The following FAM53B variants were observed in gnomAD, a reference collection of about 807,000 sequenced individuals.
The protein encoded by FAM53B is family with sequence similarity 53 member B.
A neutral mutation model predicts 32.7 loss-of-function variants in FAM53B; 12 were observed. The observed-to-expected ratio is 0.37, with a 90% CI of 0.24 to 0.59. FAM53B has a LOEUF of 0.59. Among genes scored for constraint, FAM53B ranks in the 20% least tolerant of loss-of-function variants. The probability of loss-of-function intolerance (pLI) is 0.72; values close to 1 mark genes in which losing one functional copy is unlikely to be tolerated. For missense variants in FAM53B, 477 were observed against 577.7 expected (o/e 0.83, Z 1.79); for synonymous variants, 234 against 228.7 (o/e 1.02, Z -0.21).
intron 3 of FAM53B, among the ~76,000 whole-genome samples, chr10:124,687,320 A>C (rs1319692254): frequency 6.6e-6 from 1 of 151,900 alleles, no homozygotes; most frequent in Non-Finnish European, 1.5e-5. Context: ...CTGCACAAAC[A>C]ACTATAACTC....
intron 4 of FAM53B, among the ~76,000 whole-genome samples, chr10:124,628,548 T>A (rs1384462390): frequency 6.6e-6 from 1 of 152,162 alleles, no homozygotes. Flanking sequence ...GCAGAACTGC[T>A]GTCTCTGGCC....
intron 4 of FAM53B, among the ~76,000 whole-genome samples, chr10:124,670,849 A>G (rs1949703440): frequency 6.6e-6 from 1 of 152,300 alleles, no homozygotes; most frequent in African/African-American, 2.4e-5. Flanking sequence ...AAATATTGCC[A>G]TCAGAAAGGG....
chr10:124,679,441 T>C (rs1420726979), intron 4 of FAM53B, among the ~76,000 whole-genome samples: 2 of 152,196 alleles, frequency 1.3e-5, no homozygotes, highest in South Asian at 2.1e-4. Context: ...AGGGATACCC[T>C]AGGCCTCGTT....
intron 1 of FAM53B, among the ~76,000 whole-genome samples, chr10:124,709,624 G>C (rs1395533148): frequency 1.3e-5 from 2 of 152,188 alleles, no homozygotes; most frequent in Admixed American, 6.5e-5. Context: ...GAGCCCAAGA[G>C]TGGGGACAAC....
chr10:124,636,469 G>A (rs749137110), intron 4 of FAM53B, among the ~76,000 whole-genome samples: 1 of 152,256 alleles, frequency 6.6e-6, no homozygotes, highest in Non-Finnish European at 1.5e-5. Flanking sequence ...ACGCCTGCAT[G>A]TGGGTGGTTA....
At chr10:124,702,587 C>A (rs898991719) in intron 2 of FAM53B, among the ~76,000 whole-genome samples, 2 of 152,212 alleles carry the variant, frequency 1.3e-5, no homozygotes, top group Non-Finnish European at 2.9e-5. Context: ...AGGGCCTGGA[C>A]TTGAAATCTG....
intron 1 of FAM53B, among the ~76,000 whole-genome samples, chr10:124,721,755 T>C (rs889000718): frequency 2.0e-5 from 3 of 152,216 alleles, no homozygotes; most frequent in African/African-American, 7.2e-5. Flanking sequence ...TCTATCCTCC[T>C]TACTCACTCT....
At chr10:124,632,857 G>A (rs541146396) in intron 4 of FAM53B, among the ~76,000 whole-genome samples, 196 of 152,342 alleles carry the variant, frequency 1.3e-3, no homozygotes, top group African/African-American at 4.5e-3. Context: ...GCAGTCCTCC[G>A]GCAGGACGGT....
chr10:124,694,157 T>C (rs1486843159), intron 3 of FAM53B, among the ~76,000 whole-genome samples: 1 of 152,254 alleles, frequency 6.6e-6, no homozygotes, highest in Non-Finnish European at 1.5e-5. Flanking sequence ...GCCCTGGCAC[T>C]GTCCCACAGA....
chr10:124,690,923 C>A (rs1229261154), intron 3 of FAM53B, among the ~76,000 whole-genome samples: 1 of 152,144 alleles, frequency 6.6e-6, no homozygotes, highest in African/African-American at 2.4e-5. Flanking sequence ...TTCAAAATGG[C>A]TGTCTCTGCA....
intron 4 of FAM53B, among the ~76,000 whole-genome samples, chr10:124,653,705 G>T (rs569915256): frequency 1.3e-5 from 2 of 152,290 alleles, no homozygotes; most frequent in East Asian, 3.9e-4. Flanking sequence ...CGCTTTCCTT[G>T]TCCACATGGC....
At chr10:124,687,048 T>G (rs542952649) in intron 3 of FAM53B, among the ~76,000 whole-genome samples, 9 of 152,256 alleles carry the variant, frequency 5.9e-5, no homozygotes, top group Admixed American at 2.0e-4. Flanking sequence ...TGTTTCTATC[T>G]TTATCGCTTT....
At position 124,733,223 on chromosome 10, in the gene FAM53B, C is replaced by T. The variant is rs1485940750; in HGVS notation, c.-175+10790G>A. ...TAAGATGGGCTGCTAACTGCAGTTC[C>T]GCCTCCACCTCTGCACAGGTTCAGT... is the stretch of plus-strand genomic sequence containing the variant. On this transcript the variant is annotated intron_variant, in intron 1 of 4. Coordinates refer to ENST00000337318, the MANE Select transcript of FAM53B (RefSeq NM_014661.4). This position sits in a 1 kb window ranked among gnomAD's most constrained non-coding sequence, Gnocchi z 4.3. Among the ~76,000 whole-genome samples, 2 of 152,216 alleles carry T rather than the reference C, an allele frequency of 1.3e-5. No individual in the cohort carries two copies. Among genetic ancestry groups the T allele is most frequent in the Non-Finnish European group, 2.9e-5 (2 of 68,050 alleles).
At chr10:124,664,537 G>A (rs1446694278) in intron 4 of FAM53B, among the ~76,000 whole-genome samples, 3 of 152,194 alleles carry the variant, frequency 2.0e-5, no homozygotes, top group Admixed American at 6.5e-5. Context: ...TTCAAAACCC[G>A]CAGGGCTACA....
intron 4 of FAM53B, among the ~76,000 whole-genome samples, chr10:124,661,268 T>C (rs1401413603): frequency 6.6e-6 from 1 of 152,120 alleles, no homozygotes; most frequent in Non-Finnish European, 1.5e-5. Context: ...CGGAGGTGTG[T>C]CGCATCCCAC....
chr10:124,634,680 C>G (rs968006059), intron 4 of FAM53B, among the ~76,000 whole-genome samples: 2 of 152,210 alleles, frequency 1.3e-5, no homozygotes, highest in Non-Finnish European at 2.9e-5. Flanking sequence ...ATTACCCAGT[C>G]TCAAGTATTT....
At chr10:124,673,556 G>C (rs551228462) in intron 4 of FAM53B, among the ~76,000 whole-genome samples, 139 of 152,266 alleles carry the variant, frequency 9.1e-4, no homozygotes, top group African/African-American at 3.2e-3. Flanking sequence ...TGCTCTGCTG[G>C]GTACAGCAGC....
At chr10:124,663,925 G>C (rs564482342) in intron 4 of FAM53B, among the ~76,000 whole-genome samples, 1 of 152,154 alleles carries the variant, frequency 6.6e-6, no homozygotes, top group South Asian at 2.1e-4. Flanking sequence ...GCCTGGCACG[G>C]GACACCTGTA....
chr10:124,692,263 G>C (rs1057391694), intron 3 of FAM53B, among the ~76,000 whole-genome samples: 1 of 152,072 alleles, frequency 6.6e-6, no homozygotes, highest in African/African-American at 2.4e-5. Flanking sequence ...CACGCTTCAC[G>C]CTGGCTTTGT....
Sources: gnomAD v4.1 joint callset for allele counts (sites outside exome capture counted in the v4.1 genomes callset) on GRCh38, gnomAD v4.1.1 for gene constraint, Gnocchi (gnomAD v3.1) non-coding constraint, MANE v1.5 for transcripts, NCBI Gene and HGNC (gene_info 2026-07-23, HGNC 2026-07-21) for gene names.